The following GRIN2B variants were observed in gnomAD, a reference collection of about 807,000 sequenced individuals.
GRIN2B encodes glutamate ionotropic receptor NMDA type subunit 2B, also known as glutamate receptor ionotropic, NMDA 2B.
In GRIN2B, 5 loss-of-function variants were observed where a neutral mutation model predicts 114.5. The observed-to-expected ratio is 0.04, with a 90% CI of 0.02 to 0.09. GRIN2B has a LOEUF of 0.09. Among genes scored for constraint, GRIN2B ranks in the 10% least tolerant of loss-of-function variants. GRIN2B has a pLI of 1.00. For missense variants in GRIN2B, 1,108 were observed against 1,943.5 expected (o/e 0.57, Z 8.08); for synonymous variants, 787 against 745.1 (o/e 1.06, Z -0.92).
chr12:13,861,125 T>G (rs969928428), intron 3 of GRIN2B, among the ~76,000 whole-genome samples: 5 of 152,218 alleles, frequency 3.3e-5, no homozygotes, highest in Admixed American at 1.3e-4. Flanking sequence ...TCATGTAGTA[T>G]AACTAATGTG....
In GRIN2B at chr12:13,691,012, T is replaced by C. The variant is rs143321269; in HGVS notation, c.1011-15153A>G. Among the ~76,000 whole-genome samples the C allele has an allele frequency of 4.9e-3, 744 of 152,320 alleles. 6 individuals are homozygous for C. The highest frequency in any genetic ancestry group is 0.017 in the African/African-American group (713 of 41,578). On this transcript the variant is annotated intron_variant, in intron 4 of 13. Coordinates refer to ENST00000609686, the MANE Select transcript of GRIN2B (RefSeq NM_000834.5). ...AAAAGGGACATTTATTCATTATTTTTTTCTAGTACTTTTCAATTTTTGAGG... is the reference window on the plus strand; with the variant it reads ...AAAAGGGACATTTATTCATTATTTTCTTCTAGTACTTTTCAATTTTTGAGG...
At chr12:13,912,915 G>A (rs1280074270) in intron 2 of GRIN2B, among the ~76,000 whole-genome samples, 2 of 152,204 alleles carry the variant, frequency 1.3e-5, no homozygotes, top group South Asian at 2.1e-4. Flanking sequence ...CTTAGAAAAC[G>A]AAGTAGGCAG....
At chr12:13,717,623 AAC>A in intron 4 of GRIN2B, among the ~76,000 whole-genome samples, 1 of 151,944 alleles carries the variant, frequency 6.6e-6, no homozygotes, top group Non-Finnish European at 1.5e-5. Flanking sequence ...GACGCGCGAG[AAC>A]CCACAAGAAC....
intron 2 of GRIN2B, among the ~76,000 whole-genome samples, chr12:13,963,806 T>C (rs745781725): frequency 1.3e-5 from 2 of 152,100 alleles, no homozygotes; most frequent in Admixed American, 6.5e-5. Flanking sequence ...CTTGCCTTGG[T>C]GTAAAAGCCA....
intron 4 of GRIN2B, among the ~76,000 whole-genome samples, chr12:13,739,374 CAAAAAAAAAAAAAAA>C (rs34320563): frequency 3.4e-5 from 2 of 59,374 alleles, no homozygotes; most frequent in South Asian, 1.1e-3. Context: ...AACTCCGTCT[CAAAAAAAAAAAAAAA>C]AAAAAAAAAA....
intron 3 of GRIN2B, among the ~76,000 whole-genome samples, chr12:13,756,340 A>G (rs112368319): frequency 3.0e-4 from 45 of 152,256 alleles, no homozygotes; most frequent in African/African-American, 1.0e-3. Flanking sequence ...TAAGTTACTC[A>G]GTTTATAAGT....
intron 4 of GRIN2B, among the ~76,000 whole-genome samples, chr12:13,724,217 C>T (rs938893231): frequency 1.3e-5 from 2 of 152,136 alleles, no homozygotes; most frequent in Non-Finnish European, 2.9e-5. Flanking sequence ...TAACTAGAGC[C>T]AGGTCATAGC....
chr12:13,934,086 C>T (rs755832484), intron 2 of GRIN2B, among the ~76,000 whole-genome samples: 1 of 152,156 alleles, frequency 6.6e-6, no homozygotes, highest in Non-Finnish European at 1.5e-5. Context: ...AGCATTTAGC[C>T]TAGTGCTAAG....
At chr12:13,644,596 T>C (rs1329925085) in intron 5 of GRIN2B, among the ~76,000 whole-genome samples, 4 of 152,106 alleles carry the variant, frequency 2.6e-5, no homozygotes, top group Non-Finnish European at 4.4e-5. Context: ...TTGACTTCTC[T>C]TCTCTAGCTA....
At chr12:13,920,724 C>T (rs941341486) in intron 2 of GRIN2B, among the ~76,000 whole-genome samples, 4 of 152,120 alleles carry the variant, frequency 2.6e-5, no homozygotes, top group African/African-American at 7.2e-5. Flanking sequence ...ACAGTTTTGC[C>T]GGTGACATCA....
intron 4 of GRIN2B, among the ~76,000 whole-genome samples, chr12:13,707,086 G>A (rs1419094201): frequency 2.0e-5 from 3 of 150,472 alleles, no homozygotes; most frequent in Non-Finnish European, 3.0e-5. Flanking sequence ...AGCATGAATG[G>A]TAAAAAACAC....
chr12:13,762,755 T>C (rs1591717369), intron 3 of GRIN2B, among the ~76,000 whole-genome samples: 1 of 152,158 alleles, frequency 6.6e-6, no homozygotes, highest in Non-Finnish European at 1.5e-5. Flanking sequence ...CCCAGCTCCA[T>C]ATGGAGTGAG....
At chr12:13,718,462 A>G (rs541773637) in intron 4 of GRIN2B, among the ~76,000 whole-genome samples, 28 of 152,148 alleles carry the variant, frequency 1.8e-4, no homozygotes, top group Middle Eastern at 3.4e-3. Flanking sequence ...GGACCGAGGC[A>G]GTTCCAAAGA....
intron 3 of GRIN2B, among the ~76,000 whole-genome samples, chr12:13,810,408 A>G (rs1299050264): frequency 6.6e-6 from 1 of 151,974 alleles, no homozygotes; most frequent in Non-Finnish European, 1.5e-5. Context: ...TCTACTAAAA[A>G]GTTTCATTAA....
intron 4 of GRIN2B, among the ~76,000 whole-genome samples, chr12:13,676,182 C>T (rs1950072578): frequency 6.6e-6 from 1 of 151,940 alleles, no homozygotes; most frequent in African/African-American, 2.4e-5. Flanking sequence ...CACACTGGGG[C>T]CTGTAGGCAG....
At chr12:13,691,261 C>T (rs1950213356) in intron 4 of GRIN2B, among the ~76,000 whole-genome samples, 1 of 152,138 alleles carries the variant, frequency 6.6e-6, no homozygotes, top group Admixed American at 6.6e-5. Flanking sequence ...CAGAGAGTCC[C>T]TGTGGGTCCA....
chr12:13,811,845 A>G (rs1488631161), intron 3 of GRIN2B, among the ~76,000 whole-genome samples: 1 of 152,202 alleles, frequency 6.6e-6, no homozygotes, highest in Non-Finnish European at 1.5e-5. Context: ...TTTAACGGAG[A>G]TAAGGAATGG....
chr12:13,593,555 T>G (rs887051693), intron 10 of GRIN2B, among the ~76,000 whole-genome samples: 3 of 152,176 alleles, frequency 2.0e-5, no homozygotes, highest in Admixed American at 6.5e-5. Flanking sequence ...TCAAGATGGC[T>G]TAATGACTTA....
At chr12:13,597,608 G>A (rs563640116) in intron 10 of GRIN2B, among the ~76,000 whole-genome samples, 68 of 152,312 alleles carry the variant, frequency 4.5e-4, no homozygotes, top group Non-Finnish European at 8.4e-4. Flanking sequence ...CAAATGGGGT[G>A]CTTAAAACCC....
Sources: allele counts gnomAD v4.1 joint callset (sites outside exome capture counted in the v4.1 genomes callset), GRCh38; gene constraint gnomAD v4.1.1; transcripts MANE v1.5; gene names NCBI Gene and HGNC (gene_info 2026-07-23, HGNC 2026-07-21).